SUPT3H: variants seen among roughly 807,000 people sequenced by gnomAD.
The protein encoded by SUPT3H is SPT3 homolog, SAGA and STAGA complex component.
Under a neutral mutation model 44.3 loss-of-function variants are expected in SUPT3H, and 44 were observed. The observed-to-expected ratio is 0.99, with a 90% confidence interval of 0.78 to 1.28. The LOEUF (loss-of-function observed/expected upper bound fraction) is 1.28, where lower values mean the gene tolerates loss of function less well. Ranked by LOEUF, SUPT3H falls within the 50% of genes most tolerant of loss-of-function variation. The pLI is 0.00. For missense variants in SUPT3H, 380 were observed against 387.1 expected, an observed-to-expected ratio of 0.98 and a Z score of 0.15; for synonymous variants, 124 against 125.6, an observed-to-expected ratio of 0.99 and a Z score of 0.09.
intron 10 of SUPT3H, among the ~76,000 whole-genome samples, chr6:44,860,884 T>A (rs1774541255): frequency 6.6e-6 from 1 of 152,154 alleles, no homozygotes; most frequent in African/African-American, 2.4e-5. Context: ...TGATATATAT[T>A]TTTTTAATCT....
At chr6:45,203,697 T>C (rs982884685) in intron 2 of SUPT3H, among the ~76,000 whole-genome samples, 8 of 152,190 alleles carry the variant, frequency 5.3e-5, no homozygotes, top group African/African-American at 1.9e-4. Flanking sequence ...AGTTTTACTT[T>C]GTACCTCTCC....
At chr6:44,870,791 G>C (rs999614970) in intron 10 of SUPT3H, among the ~76,000 whole-genome samples, 2 of 150,930 alleles carry the variant, frequency 1.3e-5, no homozygotes, top group East Asian at 3.9e-4. Flanking sequence ...GTGTGTGCGC[G>C]CACCCTGCGC....
intron 2 of SUPT3H, among the ~76,000 whole-genome samples, chr6:45,292,211 TAC>T (rs1482797416): frequency 6.6e-6 from 1 of 152,010 alleles, no homozygotes; most frequent in African/African-American, 2.4e-5. Context: ...GAAAGAAAGA[TAC>T]AGTCTTTTTC....
chr6:45,089,064 A>C (rs1408751000), intron 3 of SUPT3H, among the ~76,000 whole-genome samples: 1 of 152,076 alleles, frequency 6.6e-6, no homozygotes, highest in Non-Finnish European at 1.5e-5. Flanking sequence ...ATGAATGGAA[A>C]ATATAGTAGC....
chr6:44,886,520 C>A (rs1184405301), intron 10 of SUPT3H, among the ~76,000 whole-genome samples: 1 of 152,158 alleles, frequency 6.6e-6, no homozygotes, highest in African/African-American at 2.4e-5. Context: ...CCAAACTAAG[C>A]TTCAGAAGTG....
At chr6:45,179,282 C>T (rs1323844026) in intron 2 of SUPT3H, among the ~76,000 whole-genome samples, 3 of 152,112 alleles carry the variant, frequency 2.0e-5, no homozygotes, top group African/African-American at 2.4e-5. Flanking sequence ...GATTCACAGC[C>T]GAATTCTATC....
intron 2 of SUPT3H, chr6:45,321,768 G>T (rs751950100): frequency 2.0e-6 from 3 of 1,490,690 alleles, no homozygotes; most frequent in African/African-American, 1.4e-5. Flanking sequence ...CTTGAAAAGC[G>T]ATAGGAACAC....
At chr6:44,986,321 A>G (rs191426064) in intron 6 of SUPT3H, among the ~76,000 whole-genome samples, 136 of 152,278 alleles carry the variant, frequency 8.9e-4, no homozygotes, top group Non-Finnish European at 1.7e-3. Context: ...CCCAACTATA[A>G]AGTGAACAGG....
chr6:45,272,060 G>A (rs889725376), intron 2 of SUPT3H, among the ~76,000 whole-genome samples: 5 of 152,168 alleles, frequency 3.3e-5, no homozygotes, highest in Admixed American at 3.3e-4. Flanking sequence ...ATTGTATCTA[G>A]GAAGTAACAA....
At chr6:45,178,713 G>A (rs1362462304) in intron 2 of SUPT3H, among the ~76,000 whole-genome samples, 3 of 152,100 alleles carry the variant, frequency 2.0e-5, no homozygotes, top group Admixed American at 1.3e-4. Context: ...ATAACAAACT[G>A]TCTCTCAGAC....
chr6:45,183,932 GTGAAAGA>G (rs1468847848), intron 2 of SUPT3H, among the ~76,000 whole-genome samples: 4 of 152,202 alleles, frequency 2.6e-5, no homozygotes, highest in Non-Finnish European at 5.9e-5. Context: ...GGATGAGGAA[GTGAAAGA>G]TGAAGGGATG....
chr6:45,117,268 T>C (rs951992723), intron 2 of SUPT3H, among the ~76,000 whole-genome samples: 4 of 151,828 alleles, frequency 2.6e-5, no homozygotes. Flanking sequence ...CTGGGAAGAG[T>C]TGATCCAGGT....
chr6:45,018,542 C>T lies in SUPT3H; in HGVS notation c.273+2004G>A, dbSNP rs74513190. On this transcript the variant is annotated intron_variant, in intron 4 of 10. Coordinates refer to ENST00000371459, the MANE Select transcript of SUPT3H (RefSeq NM_003599.4). The stretch of plus-strand genomic sequence containing the variant: ...TCCCATTAATACCTAATTTATTGAG[C>T]GTTTTTAGCATGAAGGGTTGTTGAA... 4.8e-3 allele frequency among the ~76,000 whole-genome samples: 737 copies of T among 152,034 alleles called. 10 individuals are homozygous for T. Among genetic ancestry groups the T allele is most frequent in the African/African-American group, 0.016 (667 of 41,484 alleles).
At chr6:45,284,610 C>A (rs1195937264) in intron 2 of SUPT3H, among the ~76,000 whole-genome samples, 1 of 152,058 alleles carries the variant, frequency 6.6e-6, no homozygotes, top group Non-Finnish European at 1.5e-5. Flanking sequence ...TAATAGCTTA[C>A]CAACCAAAAA....
At chr6:45,058,083 A>G (rs1230443488) in intron 3 of SUPT3H, among the ~76,000 whole-genome samples, 1 of 152,072 alleles carries the variant, frequency 6.6e-6, no homozygotes, top group Non-Finnish European at 1.5e-5. Flanking sequence ...TGGGGTGCTT[A>G]TTTTTTTAAC....
chr6:44,885,855 G>T (rs1466801009), intron 10 of SUPT3H, among the ~76,000 whole-genome samples: 2 of 152,002 alleles, frequency 1.3e-5, no homozygotes, highest in Non-Finnish European at 2.9e-5. Context: ...GGCAAAGAAG[G>T]TGAAAACTTT....
intron 10 of SUPT3H, among the ~76,000 whole-genome samples, chr6:44,900,873 C>A (rs1367657894): frequency 6.6e-6 from 1 of 152,210 alleles, no homozygotes; most frequent in African/African-American, 2.4e-5. Flanking sequence ...CCAATATCCG[C>A]TGTTCTGCAG....
Position 45,002,539 on chromosome 6 carries a change from ATGCCACTAAACAACCATATCCTGT to A in SUPT3H, c.504+1090_504+1113del, listed in dbSNP as rs1782146351. On this transcript the variant is annotated intron_variant, in intron 6 of 10. Transcript: ENST00000371459. ...TGTGTAATGCATCATAAGTGAAACC[ATGCCACTAAACAACCATATCCTGT>A]TTGGGCAATGATGACATCAGAAATA... is the stretch of plus-strand genomic sequence containing the variant. Among the ~76,000 whole-genome samples, 4 of 152,100 alleles carry A rather than the reference ATGCCACTAAACAACCATATCCTGT, an allele frequency of 2.6e-5. No homozygotes were observed. In the South Asian group the frequency reaches 8.3e-4, roughly 31 times the overall value.
At chr6:44,889,316 C>G (rs1762876228) in intron 10 of SUPT3H, among the ~76,000 whole-genome samples, 1 of 152,168 alleles carries the variant, frequency 6.6e-6, no homozygotes, top group Admixed American at 6.5e-5. Context: ...CAAGTCAATC[C>G]TAAGCCAAAA....
Sources: gnomAD v4.1 joint callset for allele counts (sites outside exome capture counted in the v4.1 genomes callset) on GRCh38, gnomAD v4.1.1 for gene constraint, MANE v1.5 for transcripts, NCBI Gene and HGNC (gene_info 2026-07-23, HGNC 2026-07-21) for gene names.